The following CCN4 variants were observed in gnomAD, a reference collection of about 807,000 sequenced individuals.
The protein encoded by CCN4 is cellular communication network factor 4.
Under a neutral mutation model 36.7 loss-of-function variants are expected in CCN4, and 30 were observed. The ratio of observed to expected loss-of-function variants is 0.82; its 90% CI spans 0.61 to 1.11. The LOEUF is 1.11. Among genes scored for constraint, CCN4 ranks in the 50% least tolerant of loss-of-function variants. CCN4 has a pLI of 0.00. For missense variants in CCN4, 505 were observed against 504.9 expected, an observed-to-expected ratio of 1.00 and a Z score of 0.00; for synonymous variants, 191 against 195.4, an observed-to-expected ratio of 0.98 and a Z score of 0.19.
intron 2 of CCN4, among the ~76,000 whole-genome samples, chr8:133,219,498 A>G (rs906731683): frequency 2.0e-5 from 3 of 152,224 alleles, no homozygotes; most frequent in Non-Finnish European, 4.4e-5. Context: ...AATACTCACC[A>G]GCAGCACTAG....
chr8:133,227,229 G>A (rs1242895190), intron 4 of CCN4, among the ~76,000 whole-genome samples, 182 bp from the exon 5 acceptor site: 2 of 152,210 alleles, frequency 1.3e-5, no homozygotes, highest in Non-Finnish European at 2.9e-5. Flanking sequence ...ATTTACCCCT[G>A]TGCGGTATGC....
intron 3 of CCN4, among the ~76,000 whole-genome samples, chr8:133,223,174 C>T (rs1854595719): frequency 6.6e-6 from 1 of 152,070 alleles, no homozygotes; most frequent in South Asian, 2.1e-4. Flanking sequence ...GCAGCTCTCC[C>T]ACCACCACCT....
At chr8:133,202,655 C>A (rs1036951934) in intron 1 of CCN4, among the ~76,000 whole-genome samples, 3 of 152,204 alleles carry the variant, frequency 2.0e-5, no homozygotes, top group Non-Finnish European at 2.9e-5. Context: ...GGAAACCACC[C>A]TTGGGAGTTT....
intron 1 of CCN4, among the ~76,000 whole-genome samples, chr8:133,211,195 A>T (rs534849764): frequency 2.6e-4 from 39 of 152,284 alleles, no homozygotes; most frequent in African/African-American, 8.4e-4. Context: ...GTGTTCAGAG[A>T]GCTTCCATGC....
intron 3 of CCN4, among the ~76,000 whole-genome samples, chr8:133,222,276 T>A (rs1854565663): frequency 6.6e-6 from 1 of 152,112 alleles, no homozygotes; most frequent in Admixed American, 6.5e-5. Context: ...GGTCTTAATG[T>A]CAATCTAATG....
At chr8:133,213,227 A>T in intron 2 of CCN4, 84 bp downstream of exon 2, 1 of 1,488,058 alleles carries the variant, frequency 6.7e-7, no homozygotes, top group Non-Finnish European at 9.2e-7. Flanking sequence ...GCACCCCCAC[A>T]GCCTTTCACC....
At position 133,212,872 on chromosome 8, in the gene CCN4, T is replaced by C; in HGVS notation, c.78T>C (p.Ser26=). ...AASTVLATAL[S]PAPTTMDFTP... ...CTGCCCTCCCCCCGCAGGCCCTCTC[T>C]CCAGCCCCTACGACCATGGACTTTA... is the stretch of plus-strand genomic sequence containing the variant. The change falls in exon 2 of 5, where the codon TCT becomes TCC. Residue 26 remains serine, a synonymous_variant. Coordinates refer to ENST00000250160, the MANE Select transcript of CCN4 (RefSeq NM_003882.4). The C allele has an allele frequency of 6.3e-7, 1 of 1,575,588 alleles. No individual in the cohort carries two copies. The highest frequency in any genetic ancestry group is 8.7e-7 in the Non-Finnish European group (1 of 1,154,588).
At chr8:133,215,331 A>C (rs1227463131) in intron 2 of CCN4, among the ~76,000 whole-genome samples, 1 of 152,154 alleles carries the variant, frequency 6.6e-6, no homozygotes, top group African/African-American at 2.4e-5. Flanking sequence ...TTCCCTCCCC[A>C]TAACCCAGGT....
In CCN4 at chr8:133,229,284, GT is replaced by G. The variant is rs1431467314; in HGVS notation, c.*1575del. Reference sequence around the variant, plus strand: ...CCCCCTGTTTTTAGAGCTTCCAAATGTGTCAGAATAGGAAAACATTGCAATA... The same window carrying G: ...CCCCCTGTTTTTAGAGCTTCCAAATGGTCAGAATAGGAAAACATTGCAATA... On this transcript the variant is annotated 3_prime_UTR_variant, in exon 5 of 5. Coordinates refer to ENST00000250160, the MANE Select transcript of CCN4 (RefSeq NM_003882.4). 6.6e-6 allele frequency: 1 copy of G among 152,190 alleles called. No individual in the cohort carries two copies. The highest frequency in any genetic ancestry group is 2.4e-5 in the African/African-American group (1 of 41,440). 9.4% of individuals were successfully genotyped at this position (152,190 alleles called of 1,614,324 possible). A position where few individuals can be genotyped will look rare whatever the true frequency, so the allele number is the denominator to read the frequency against.
Position 133,191,116 on chromosome 8 carries a change from G to A in CCN4, c.-29G>A, listed in dbSNP as rs1414931370. 4 of 1,604,140 alleles carry A rather than the reference G, an allele frequency of 2.5e-6. No individual in the cohort carries two copies. The highest frequency in any genetic ancestry group is 3.4e-6 in the Non-Finnish European group (4 of 1,179,622). On this transcript the variant is annotated 5_prime_UTR_variant, in exon 1 of 5. Transcript: ENST00000250160. ...GTGGTCGGATCCTCTGGGCTGCTCG[G>A]TCGATGCCTGTGCCACTGACGTCCA...
chr8:133,211,517 TC>T (rs1220982802), intron 1 of CCN4, among the ~76,000 whole-genome samples: 4 of 152,206 alleles, frequency 2.6e-5, no homozygotes, highest in African/African-American at 9.7e-5. Flanking sequence ...TCCATCTGTC[TC>T]TTCGGGTCTT....
intron 1 of CCN4, among the ~76,000 whole-genome samples, chr8:133,192,323 G>A (rs1479181708): frequency 6.6e-6 from 1 of 152,190 alleles, no homozygotes; most frequent in South Asian, 2.1e-4. Context: ...TGGGAAATAG[G>A]AATTCCTCTC....
At chr8:133,205,337 G>A (rs1379444868) in intron 1 of CCN4, among the ~76,000 whole-genome samples, 1 of 152,182 alleles carries the variant, frequency 6.6e-6, no homozygotes, top group Non-Finnish European at 1.5e-5. Flanking sequence ...GGCTGTTTTG[G>A]TTTGTTGTTG....
At position 133,230,864 on chromosome 8, in the gene CCN4, G is replaced by T. The variant is rs145461011; in HGVS notation, c.*3154G>T. 6.6e-6 allele frequency: 1 copy of T among 152,260 alleles called. No individual in the cohort carries two copies. Among genetic ancestry groups the T allele is most frequent in the African/African-American group, 2.4e-5 (1 of 41,546 alleles). The allele number at this position is 152,260 out of a possible 1,614,324, so 9.4% of individuals were successfully genotyped here. On this transcript the variant is annotated 3_prime_UTR_variant, in exon 5 of 5. Transcript: ENST00000250160. ...TGCCATATCTCATTTAATCCTCACAGCAAACCTATAGAATATGGCATTATC... is the reference window on the plus strand; with the variant it reads ...TGCCATATCTCATTTAATCCTCACATCAAACCTATAGAATATGGCATTATC...
chr8:133,205,577 T>C (rs1253852118), intron 1 of CCN4, among the ~76,000 whole-genome samples: 1 of 152,156 alleles, frequency 6.6e-6, no homozygotes, highest in Non-Finnish European at 1.5e-5. Flanking sequence ...GGTAAGAAGA[T>C]AGCCGTCAGG....
rs2130639480 is a variant in CCN4, at chr8:133,231,370, T to A, written c.*3660T>A. 1 of 152,338 alleles carries A rather than the reference T, an allele frequency of 6.6e-6. No individual in the cohort carries two copies. The highest frequency in any genetic ancestry group is 1.9e-4 in the East Asian group (1 of 5,192). 9.4% of individuals were successfully genotyped at this position (152,338 alleles called of 1,614,324 possible). On this transcript the variant is annotated 3_prime_UTR_variant, in exon 5 of 5. Transcript: ENST00000250160. ...CAAACTGTGATTTAATATTTAAATA[T>A]TCCTACTGCCATTTTTGTGACTGAA...
intron 2 of CCN4, among the ~76,000 whole-genome samples, chr8:133,217,914 C>T (rs555346247): frequency 7.3e-4 from 100 of 137,022 alleles, no homozygotes; most frequent in Non-Finnish European, 1.3e-3. Context: ...GACAGAGTTC[C>T]GGGCTTAGCC....
Position 133,228,739 on chromosome 8 carries a change from C to T in CCN4, c.*1029C>T, listed in dbSNP as rs1854841415. The stretch of plus-strand genomic sequence containing the variant: ...GTGGGTCAAACCAAGAAGTGGGTGC[C>T]CTTGGTAGCAGCCTGGGGTGACCTC... On this transcript the variant is annotated 3_prime_UTR_variant, in exon 5 of 5. Transcript: ENST00000250160. 6.6e-6 allele frequency: 1 copy of T among 152,198 alleles called. No individual in the cohort carries two copies. The highest frequency in any genetic ancestry group is 2.4e-5 in the African/African-American group (1 of 41,432). 9.4% of individuals were successfully genotyped at this position (152,198 alleles called of 1,614,324 possible). A position where few individuals can be genotyped will look rare whatever the true frequency, so the allele number is the denominator to read the frequency against.
chr8:133,214,440 G>T, intron 2 of CCN4, among the ~76,000 whole-genome samples: 1 of 150,780 alleles, frequency 6.6e-6, no homozygotes, highest in East Asian at 1.9e-4. Flanking sequence ...TGTTTTTCCT[G>T]GACTTTCTAA....
Sources: allele counts gnomAD v4.1 joint callset (sites outside exome capture counted in the v4.1 genomes callset), GRCh38; gene constraint gnomAD v4.1.1; transcripts MANE v1.5; gene names NCBI Gene and HGNC (gene_info 2026-07-23, HGNC 2026-07-21).